Variants in ITGA9 observed in about 807,000 individuals in gnomAD.
ITGA9 encodes integrin alpha-9.
In ITGA9, 56 loss-of-function variants were observed where a neutral mutation model predicts 127.8. The observed-to-expected ratio is 0.44, with a 90% CI of 0.35 to 0.55. The LOEUF is 0.55. ITGA9 is among the 20% of genes least tolerant of loss of function. The probability of loss-of-function intolerance (pLI) is 0.00; values close to 1 mark genes in which losing one functional copy is unlikely to be tolerated. For synonymous variants in ITGA9, 508 were observed against 514.5 expected (o/e 0.99, Z 0.17); for missense variants, 1,196 against 1,347.1 (o/e 0.89, Z 1.76).
Position 37,523,576 on chromosome 3 carries a change from C to A in ITGA9, c.1292C>A (p.Ser431Ter). ...CTCCGGATGTTTGGTCAGTCCATAT[C>A]GGGAGGCATTGATATGGATGGAAAT... is the stretch of plus-strand genomic sequence containing the variant. ...PVLRMFGQSI[S>*]GGIDMDGNGY... is the part of the protein sequence containing the mutation. Residue 431 changes from serine (S) to a stop codon, truncating the protein, a stop_gained, in exon 12 of 28, where the codon TCG becomes TAG. Transcript: ENST00000264741. LOFTEE classifies it high-confidence loss of function. The A allele has an allele frequency of 1.2e-6, 2 of 1,613,822 alleles. No individual in the cohort carries two copies. Among genetic ancestry groups the A allele is most frequent in the Non-Finnish European group, 1.7e-6 (2 of 1,179,860 alleles).
chr3:37,594,335 A>G (rs1699848949), intron 15 of ITGA9, among the ~76,000 whole-genome samples: 1 of 152,128 alleles, frequency 6.6e-6, no homozygotes, highest in Non-Finnish European at 1.5e-5. Flanking sequence ...GAGGGAGAGT[A>G]TGGCCTGCTT....
chr3:37,519,333 G>A lies in ITGA9; in HGVS notation c.1215G>A (p.Gly405=), dbSNP rs1483247342. ...ATATCTATCATGGTGATGCCGGTGG[G>A]ATAGTCCCTCAGTACTCAATGGTAA... ...AVYIYHGDAG[G]IVPQYSMKLS... is the part of the protein sequence containing the mutation. Residue 405 remains glycine, a synonymous_variant, in exon 11 of 28, where the codon GGG becomes GGA. Transcript: ENST00000264741. The A allele has an allele frequency of 5.0e-6, 8 of 1,613,868 alleles. No individual in the cohort carries two copies. Among genetic ancestry groups the A allele is most frequent in the Admixed American group, 1.7e-5 (1 of 60,008 alleles).
chr3:37,818,630 G>T, intron 27 of ITGA9: 1 of 512,662 alleles, frequency 2.0e-6, no homozygotes, highest in Non-Finnish European at 3.5e-6. Context: ...CCAGCACACA[G>T]TCTGGAAAAC....
At chr3:37,554,463 G>A (rs34884945) in intron 15 of ITGA9, among the ~76,000 whole-genome samples, 1 of 152,026 alleles carries the variant, frequency 6.6e-6, no homozygotes, top group Non-Finnish European at 1.5e-5. Context: ...CCTTTACTCA[G>A]AGGGGGATGG....
At chr3:37,464,114 T>TGA (rs1289375932) in intron 1 of ITGA9, among the ~76,000 whole-genome samples, 47 of 111,784 alleles carry the variant, frequency 4.2e-4, no homozygotes, top group East Asian at 1.7e-3. Flanking sequence ...ACAGAAGGTG[T>TGA]GAGTGTGTGT....
intron 23 of ITGA9, among the ~76,000 whole-genome samples, chr3:37,756,801 A>G (rs1472280843): frequency 1.3e-5 from 2 of 152,270 alleles, no homozygotes; most frequent in Non-Finnish European, 2.9e-5. Flanking sequence ...TCAAAGCAGT[A>G]GAAGCCACAG....
At chr3:37,666,984 G>A (rs962358554) in intron 17 of ITGA9, among the ~76,000 whole-genome samples, 5 of 152,132 alleles carry the variant, frequency 3.3e-5, no homozygotes, top group African/African-American at 4.8e-5. Context: ...TAGCTCCCTG[G>A]CACTTGCATC....
intron 15 of ITGA9, among the ~76,000 whole-genome samples, chr3:37,568,954 C>A (rs1699575199): frequency 6.6e-6 from 1 of 152,200 alleles, no homozygotes; most frequent in African/African-American, 2.4e-5. Context: ...ATCTTCACAG[C>A]AATAGCCCCC....
chr3:37,564,353 C>G (rs1376928627), intron 15 of ITGA9, among the ~76,000 whole-genome samples: 1 of 152,130 alleles, frequency 6.6e-6, no homozygotes, highest in Non-Finnish European at 1.5e-5. Flanking sequence ...TCGATAAGAC[C>G]TGTTTCAAGA....
rs1398873565 is a variant in ITGA9, at chr3:37,749,024, TACA to T, written c.2434-1434_2434-1432del. 1.4e-5 allele frequency: 6 copies of T among 434,108 alleles called. No homozygotes were observed. The South Asian group carries it at 1.9e-4, about 14-fold the overall frequency. 26.9% of individuals were successfully genotyped at this position (434,108 alleles called of 1,614,324 possible). On this transcript the variant is annotated intron_variant, in intron 22 of 27. Coordinates refer to ENST00000264741, the MANE Select transcript of ITGA9 (RefSeq NM_002207.3). ...TCTTATTGCTGCTGTAACAAATTAC[TACA>T]ACATTTGTGGCTTAAAACAACACAA...
intron 18 of ITGA9, among the ~76,000 whole-genome samples, chr3:37,688,573 G>A (rs1700801577): frequency 6.6e-6 from 1 of 152,112 alleles, no homozygotes; most frequent in Admixed American, 6.5e-5. Flanking sequence ...CTCATGAGAG[G>A]CCGTCCTGAG....
Position 37,452,419 on chromosome 3 carries a change from G to C in ITGA9, c.45G>C (p.Ala15=). The change falls in exon 1 of 28, where the codon GCG becomes GCC. Residue 15 remains alanine (A), a synonymous_variant. Transcript: ENST00000264741. The surrounding 1 kb of genome is among the most constrained non-coding windows in gnomAD (Gnocchi z 7.3). ...AAPRGAGRLR[A]LLLALVVAGI... ...CGAGGGGCGCCGGGAGGCTCCGCGCGCTGCTGCTGGCGCTGGTGGTCGCGG... is the reference window on the plus strand; with the variant it reads ...CGAGGGGCGCCGGGAGGCTCCGCGCCCTGCTGCTGGCGCTGGTGGTCGCGG... 1 of 1,447,294 alleles carries C rather than the reference G, an allele frequency of 6.9e-7. No individual in the cohort carries two copies. The highest frequency in any genetic ancestry group is 3.2e-5 in the East Asian group (1 of 31,646). The allele number at this position is 1,447,294 out of a possible 1,614,324, so 89.7% of individuals were successfully genotyped here. A position where few individuals can be genotyped will look rare whatever the true frequency, so the allele number is the denominator to read the frequency against.
chr3:37,723,064 G>A (rs1216642268), intron 18 of ITGA9, among the ~76,000 whole-genome samples: 4 of 152,148 alleles, frequency 2.6e-5, no homozygotes, highest in Non-Finnish European at 4.4e-5. Context: ...TTCCCTGAAG[G>A]TTAATGATGT....
intron 17 of ITGA9, among the ~76,000 whole-genome samples, chr3:37,670,125 T>TTC (rs1559563153): frequency 2.0e-5 from 3 of 151,808 alleles, no homozygotes; most frequent in African/African-American, 7.3e-5. Flanking sequence ...TTTTTTTTTT[T>TTC]CTGGTGCTAA....
At chr3:37,604,136 CT>C (rs1699946546) in intron 15 of ITGA9, among the ~76,000 whole-genome samples, 1 of 152,244 alleles carries the variant, frequency 6.6e-6, no homozygotes, top group Non-Finnish European at 1.5e-5. Flanking sequence ...CCTCATCACA[CT>C]GCACAGCCCT....
intron 3 of ITGA9, among the ~76,000 whole-genome samples, chr3:37,479,603 C>T (rs1045385112): frequency 1.1e-4 from 16 of 152,202 alleles, no homozygotes; most frequent in African/African-American, 3.9e-4. Flanking sequence ...GCATTCCATT[C>T]GACCCCAGAG....
rs1699829756 is a variant in ITGA9 at position 37,592,442 on chromosome 3, G to A, written c.1690-36745G>A. 2.0e-5 allele frequency among the ~76,000 whole-genome samples: 3 copies of A among 152,318 alleles called. No individual in the cohort carries two copies. The Middle Eastern group carries it at 0.01, about 518-fold the overall frequency. On this transcript the variant is annotated intron_variant, in intron 15 of 27. Transcript: ENST00000264741. ...GGCAGGAGGAGAAAGAAGCAGTGGA[G>A]AAGGCACACCCACCCCTTAAACACT...
At chr3:37,689,057 G>A (rs1259549325) in intron 18 of ITGA9, among the ~76,000 whole-genome samples, 2 of 151,606 alleles carry the variant, frequency 1.3e-5, no homozygotes, top group Admixed American at 1.3e-4. Context: ...TGGCTGGCTG[G>A]GTGGATGGGT....
At chr3:37,529,991 AG>A (rs1299750847) in intron 13 of ITGA9, among the ~76,000 whole-genome samples, 7 of 151,980 alleles carry the variant, frequency 4.6e-5, no homozygotes, top group Non-Finnish European at 7.4e-5. Context: ...GGCGAGGTTC[AG>A]TTTGGGATGT....
Sources: gnomAD v4.1 joint callset for allele counts (sites outside exome capture counted in the v4.1 genomes callset) on GRCh38, gnomAD v4.1.1 for gene constraint, Gnocchi (gnomAD v3.1) non-coding constraint, MANE v1.5 for transcripts, NCBI Gene and HGNC (gene_info 2026-07-23, HGNC 2026-07-21) for gene names.